OTOG: variants seen among roughly 807,000 people sequenced by gnomAD.
OTOG encodes the protein otogelin.
A neutral mutation model predicts 313.8 loss-of-function variants in OTOG; 296 were observed. The observed-to-expected ratio is 0.94, with a 90% CI of 0.86 to 1.04. The LOEUF is 1.04. Among genes scored for constraint, OTOG ranks in the 50% least tolerant of loss-of-function variants. The pLI, the probability that OTOG is intolerant of heterozygous loss-of-function variation, is 0.00. For missense variants in OTOG, 3,948 were observed against 3,840.1 expected, an observed-to-expected ratio of 1.03 and a Z score of -0.74; for synonymous variants, 1,533 against 1,554.9, an observed-to-expected ratio of 0.99 and a Z score of 0.33.
intron 39 of OTOG, among the ~76,000 whole-genome samples, chr11:17,628,345 C>T (rs1383817496): frequency 1.3e-5 from 2 of 152,028 alleles, no homozygotes; most frequent in African/African-American, 2.4e-5. Flanking sequence ...GCATATAAAA[C>T]AGTCTAATCT....
intron 13 of OTOG, 23 bp from the exon 14 acceptor site, chr11:17,561,068 C>T (rs1311947246): frequency 6.4e-7 from 1 of 1,550,514 alleles, no homozygotes; most frequent in Non-Finnish European, 8.7e-7. Flanking sequence ...TGACCTCTTG[C>T]CTCCTTGGTC....
chr11:17,566,719 G>C (rs914637904), intron 15 of OTOG, among the ~76,000 whole-genome samples: 1 of 152,130 alleles, frequency 6.6e-6, no homozygotes, highest in African/African-American at 2.4e-5. Context: ...ACCTCTATAG[G>C]AAATAACTTT....
At chr11:17,585,463 G>C (rs1852770640) in intron 23 of OTOG, among the ~76,000 whole-genome samples, 1 of 152,032 alleles carries the variant, frequency 6.6e-6, no homozygotes, top group South Asian at 2.1e-4. Context: ...ACCAGCATCT[G>C]GTTTCACTGA....
At chr11:17,640,863 ATGGGTGCCTGGGCTC>A in intron 50 of OTOG, 35 bp from the exon 51 acceptor site, 1 of 1,549,870 alleles carries the variant, frequency 6.5e-7, no homozygotes, top group Non-Finnish European at 8.7e-7. Context: ...CAGGAGGGGC[ATGGGTGCCTGGGCTC>A]TGGATGACTG....
rs1851991393 is a variant in OTOG, at chr11:17,553,508, T to C, written c.529T>C (p.Phe177Leu). ...VGRHEPEGQSFSIQVHNDPQC... is the reference protein window; with the variant it reads ...VGRHEPEGQSLSIQVHNDPQC... ...TCGCCATGAGCCCGAGGGACAGAGC[T>C]TCTCCATCCAGGTGAGGCCTCCCCT... Residue 177 changes from phenylalanine (F) to leucine (L), a missense_variant, in exon 6 of 56, where the codon TTC becomes CTC. Phe to Leu is a conservative substitution (Grantham distance 22, BLOSUM62 0). Coordinates refer to ENST00000399397, the MANE Select transcript of OTOG (RefSeq NM_001292063.2). 1 of 1,439,066 alleles carries C rather than the reference T, an allele frequency of 6.9e-7. No individual in the cohort carries two copies. The highest frequency in any genetic ancestry group is 2.5e-5 in the East Asian group (1 of 39,234). 89.1% of individuals were successfully genotyped at this position (1,439,066 alleles called of 1,614,324 possible).
At chr11:17,607,777 G>C (rs570468261) in intron 33 of OTOG, among the ~76,000 whole-genome samples, 17 of 152,314 alleles carry the variant, frequency 1.1e-4, no homozygotes, top group Non-Finnish European at 2.1e-4. Context: ...CTTTGGGCTA[G>C]AGGGGAAGGG....
chr11:17,621,143 T>G (rs1383522710), intron 39 of OTOG, among the ~76,000 whole-genome samples: 1 of 152,240 alleles, frequency 6.6e-6, no homozygotes, highest in Non-Finnish European at 1.5e-5. Context: ...TGCCTGACAA[T>G]GTTTTTAAAT....
chr11:17,634,315 C>T (rs1251549549), intron 44 of OTOG, 34 bp downstream of exon 44: 1 of 1,540,822 alleles, frequency 6.5e-7, no homozygotes. Context: ...TGGACGTCAA[C>T]TGTAAAACAG....
intron 16 of OTOG, among the ~76,000 whole-genome samples, 167 bp downstream of exon 16, chr11:17,569,455 A>T (rs1852360668): frequency 6.6e-6 from 1 of 152,126 alleles, no homozygotes; most frequent in South Asian, 2.1e-4. Flanking sequence ...GACTCCAAAA[A>T]TGTGTCTTTG....
At chr11:17,555,292 T>G (rs1054736091) in intron 6 of OTOG, among the ~76,000 whole-genome samples, 1 of 151,904 alleles carries the variant, frequency 6.6e-6, no homozygotes, top group African/African-American at 2.4e-5. Flanking sequence ...TTACAATCTG[T>G]ACCTGCCAGG....
At chr11:17,552,619 A>ACCTGTCCTGTGTCTCC (rs1382289553) in intron 4 of OTOG, among the ~76,000 whole-genome samples, 2 of 37,154 alleles carry the variant, frequency 5.4e-5, no homozygotes, top group African/African-American at 4.9e-4. Flanking sequence ...CTGTCCTCTC[A>ACCTGTCCTGTGTCTCC]CATCATGGCT....
intron 39 of OTOG, among the ~76,000 whole-genome samples, chr11:17,620,716 C>A (rs978841996): frequency 6.6e-5 from 10 of 151,994 alleles, no homozygotes; most frequent in East Asian, 3.9e-4. Context: ...TAATTCATTT[C>A]TCTTTTGGGG....
At chr11:17,628,014 C>G (rs1285301864) in intron 39 of OTOG, among the ~76,000 whole-genome samples, 3 of 151,886 alleles carry the variant, frequency 2.0e-5, no homozygotes, top group Non-Finnish European at 4.4e-5. Flanking sequence ...TCTTTTCAAA[C>G]AAACTTTTAG....
chr11:17,576,108 G>A (rs1852518897), intron 20 of OTOG, among the ~76,000 whole-genome samples: 2 of 152,246 alleles, frequency 1.3e-5, no homozygotes, highest in Non-Finnish European at 2.9e-5. Context: ...AGAGGTCAAT[G>A]TACTTAACAA....
rs955374063 is a variant in OTOG, at chr11:17,602,240, G to T, written c.3740G>T (p.Ser1247Ile). The T allele has an allele frequency of 6.4e-7, 1 of 1,550,560 alleles. No individual in the cohort carries two copies. Among genetic ancestry groups the T allele is most frequent in the South Asian group, 1.2e-5 (1 of 84,060 alleles). Residue 1247 changes from serine to isoleucine, a missense_variant, in exon 32 of 56, where the codon AGC becomes ATC. Transcript: ENST00000399397. ...GGTAAGGGCCCCTATCAGCTATCCA[G>T]CTTGGCAGCCGGTGGTGCTCTGGTG... ...VLGKGPYQLS[S>I]LAAGGALVGM...
At chr11:17,553,933 G>A (rs976744866) in intron 6 of OTOG, among the ~76,000 whole-genome samples, 16 of 152,160 alleles carry the variant, frequency 1.1e-4, no homozygotes, top group Admixed American at 6.5e-4. Flanking sequence ...AATGCTAAAC[G>A]AACATGTCCT....
At position 17,629,014 on chromosome 11, in the gene OTOG, A is replaced by G. The variant is rs974724947; in HGVS notation, c.6529-119A>G. On this transcript the variant is annotated intron_variant, in intron 39 of 55. Transcript: ENST00000399397. The stretch of plus-strand genomic sequence containing the variant: ...CTGGCACATAGCAGATGCCTAATAA[A>G]TGTTTGTCAGATGATGGGTGGATGG... The G allele has an allele frequency of 5.8e-6, 6 of 1,041,922 alleles. No individual in the cohort carries two copies. In the East Asian group the frequency reaches 1.3e-4, roughly 23 times the overall value. The allele number at this position is 1,041,922 out of a possible 1,614,324, so 64.5% of individuals were successfully genotyped here. A position where few individuals can be genotyped will look rare whatever the true frequency, so the allele number is the denominator to read the frequency against.
At chr11:17,645,665 G>A in intron 55 of OTOG, 22 bp downstream of exon 55, 1 of 1,550,714 alleles carries the variant, frequency 6.4e-7, no homozygotes, top group East Asian at 2.4e-5. Context: ...CCACAAGGCA[G>A]TGGGGCAGCA....
At chr11:17,601,432 T>C (rs1853246861) in intron 31 of OTOG, among the ~76,000 whole-genome samples, 1 of 136,160 alleles carries the variant, frequency 7.3e-6, no homozygotes, top group African/African-American at 2.8e-5. Context: ...ACACCACTGC[T>C]CCTTCCAGGA....
Sources: allele counts gnomAD v4.1 joint callset (sites outside exome capture counted in the v4.1 genomes callset), GRCh38; gene constraint gnomAD v4.1.1; transcripts MANE v1.5; gene names NCBI Gene and HGNC (gene_info 2026-07-23, HGNC 2026-07-21).